SPC25: variants seen among roughly 807,000 people sequenced by gnomAD.
SPC25 encodes the protein SPC25 component of NDC80 kinetochore complex.
Under a neutral mutation model 29.6 loss-of-function variants are expected in SPC25, and 22 were observed. The ratio of observed to expected loss-of-function variants is 0.74; its 90% confidence interval spans 0.53 to 1.06. The LOEUF (loss-of-function observed/expected upper bound fraction) is 1.06. Among genes scored for constraint, SPC25 ranks in the 50% least tolerant of loss-of-function variants. SPC25 has a pLI of 0.00. For synonymous variants in SPC25, 91 were observed against 90.4 expected (o/e 1.01, Z -0.04); for missense variants, 230 against 255.8 (o/e 0.90, Z 0.69).
intron 3 of SPC25, among the ~76,000 whole-genome samples, chr2:168,886,588 G>C (rs1048031343): frequency 1.3e-5 from 2 of 150,156 alleles, no homozygotes; most frequent in East Asian, 3.9e-4. Context: ...GGCGCGATCT[G>C]GGCTCACTGC....
chr2:168,875,653 G>GA (rs1015282805), intron 5 of SPC25, among the ~76,000 whole-genome samples: 14 of 151,868 alleles, frequency 9.2e-5, no homozygotes, highest in Admixed American at 7.9e-4. Flanking sequence ...TTCTAAAACT[G>GA]AAAAAAATGG....
At position 168,888,982 on chromosome 2, in the gene SPC25, CATATATATGTATATATAT is replaced by C. The variant is rs1302659425; in HGVS notation, c.199+226_199+243del. On this transcript the variant is annotated intron_variant, in intron 3 of 6. Transcript: ENST00000282074. ...GTATATATATATATATACACACACACATATATATGTATATATATACACATATATGTATATATATACACA... is the reference window on the plus strand; with the variant it reads ...GTATATATATATATATACACACACACACACATATATGTATATATATACACA... Among the ~76,000 whole-genome samples, 207 of 118,792 alleles carry C rather than the reference CATATATATGTATATATAT, an allele frequency of 1.7e-3. 4 individuals are homozygous for C. The highest frequency in any genetic ancestry group is 6.4e-3 in the African/African-American group (176 of 27,350). The allele number at this position is 118,792 out of a possible 152,430, so 77.9% of individuals were successfully genotyped here. A position where few individuals can be genotyped will look rare whatever the true frequency, so the allele number is the denominator to read the frequency against.
At chr2:168,865,059 GT>G in intron 4 of SPC25, 1 of 1,432,280 alleles carries the variant, frequency 7.0e-7, no homozygotes, top group Non-Finnish European at 9.5e-7. Flanking sequence ...ACCTTTACAT[GT>G]TTTTCTTTTG....
At chr2:168,887,421 C>CAAAAAAAAAAAAAAAAAAAAAAAAAAAAA (rs5836211) in intron 3 of SPC25, among the ~76,000 whole-genome samples, 10 of 131,404 alleles carry the variant, frequency 7.6e-5, no homozygotes, top group African/African-American at 2.9e-4. Flanking sequence ...GACTCCATCT[C>CAAAAAAAAAAAAAAAAAAAAAAAAAAAAA]AAAAAAAAAA....
chr2:168,870,044 A>G (rs1209667161), downstream of SPC25, among the ~76,000 whole-genome samples: 1 of 152,232 alleles, frequency 6.6e-6, no homozygotes, highest in Non-Finnish European at 1.5e-5. Flanking sequence ...GCCCTCAGAA[A>G]TAATCCCACA....
chr2:168,865,050 C>A (rs1011588198), intron 4 of SPC25: 1 of 1,471,418 alleles, frequency 6.8e-7, no homozygotes, highest in Non-Finnish European at 9.3e-7. Context: ...AGTGCTCTTA[C>A]CTTTACATGT....
Position 168,889,230 on chromosome 2 carries a change from T to C in SPC25, c.195A>G (p.Gln65=). Reference sequence around the variant, plus strand: ...GATTTATACTTTTTCACATACGATTTTGATATTCCAGAAACATCTCAACCA... The same window carrying C: ...GATTTATACTTTTTCACATACGATTCTGATATTCCAGAAACATCTCAACCA... ...ERMVEMFLEY[Q]NQISRQNKLI... Residue 65 remains glutamine (Q), a synonymous_variant, in exon 3 of 7, where the codon CAA becomes CAG. Coordinates refer to ENST00000282074, the MANE Select transcript of SPC25 (RefSeq NM_020675.4). 1 of 1,611,978 alleles carries C rather than the reference T, an allele frequency of 6.2e-7. No homozygotes were observed. The highest frequency in any genetic ancestry group is 8.5e-7 in the Non-Finnish European group (1 of 1,179,304).
chr2:168,862,164 A>G, intron 4 of SPC25: 2 of 847,464 alleles, frequency 2.4e-6, no homozygotes, highest in Non-Finnish European at 3.8e-6. Flanking sequence ...AAATCAGTTC[A>G]CCCTTCTTGA....
rs967797446 is a variant in SPC25 at position 168,885,180 on chromosome 2, A to G, written c.199+4046T>C. ...ACATATGTTTCCTTCCCACCTATAA[A>G]AACATGCTCCTCCTCTCTTTCAATC... On this transcript the variant is annotated intron_variant, in intron 3 of 6. Coordinates refer to ENST00000282074, the MANE Select transcript of SPC25 (RefSeq NM_020675.4). Among the ~76,000 whole-genome samples the G allele has an allele frequency of 9.2e-5, 14 of 152,108 alleles. 1 individual carries two copies. The highest frequency in any genetic ancestry group is 3.4e-4 in the African/African-American group (14 of 41,406).
At chr2:168,864,630 A>G (rs1450406195) in intron 4 of SPC25, among the ~76,000 whole-genome samples, 1 of 152,132 alleles carries the variant, frequency 6.6e-6, no homozygotes, top group Non-Finnish European at 1.5e-5. Flanking sequence ...TCAGTTGTTC[A>G]TTATCTTACT....
downstream of SPC25, among the ~76,000 whole-genome samples, chr2:168,870,424 T>A (rs1192170317): frequency 6.6e-6 from 1 of 150,956 alleles, no homozygotes; most frequent in Non-Finnish European, 1.5e-5. Context: ...ACAGGCAACC[T>A]ACAGAATGGG....
intron 4 of SPC25, chr2:168,865,340 C>T: frequency 5.7e-6 from 1 of 174,948 alleles, no homozygotes; most frequent in Non-Finnish European, 1.2e-5. Flanking sequence ...ATGTCTTTTT[C>T]CTCTGGATTT....
chr2:168,882,344 C>T lies in SPC25; in HGVS notation c.200-4960G>A, dbSNP rs553033164. ...AATAAGGGCCAGGCATGGCGGCTCA[C>T]GCCTGTAATCCCTGCACTTTGCAAC... On this transcript the variant is annotated intron_variant, in intron 3 of 6. Transcript: ENST00000282074. Among the ~76,000 whole-genome samples, 5 of 152,346 alleles carry T rather than the reference C, an allele frequency of 3.3e-5. No homozygotes were observed. The South Asian group carries it at 6.2e-4, about 19-fold the overall frequency.
At chr2:168,870,009 A>C (rs1199628319), downstream of SPC25, among the ~76,000 whole-genome samples, 4 of 152,186 alleles carry the variant, frequency 2.6e-5, no homozygotes, top group African/African-American at 9.7e-5. Flanking sequence ...CAAAACAGAG[A>C]TATAGACCAA....
At chr2:168,883,998 T>C (rs1314379693) in intron 3 of SPC25, among the ~76,000 whole-genome samples, 1 of 152,118 alleles carries the variant, frequency 6.6e-6, no homozygotes, top group East Asian at 1.9e-4. Flanking sequence ...CTTGATCTTT[T>C]GACCTCGTGA....
At chr2:168,880,250 C>T (rs1014374396) in intron 3 of SPC25, among the ~76,000 whole-genome samples, 11 of 152,138 alleles carry the variant, frequency 7.2e-5, no homozygotes, top group Admixed American at 3.3e-4. Flanking sequence ...ATCAAAAATC[C>T]GTTCTTTAAT....
Position 168,876,113 on chromosome 2 carries a change from A to T in SPC25, c.410T>A (p.Leu137Ter). The stretch of plus-strand genomic sequence containing the variant: ...TTCTAGTCCAAGTCGATCTTTATAC[A>T]AGTCTGCAGATTTCTGCAGCCTTTT... Reference protein sequence around the residue: ...RLKRLQKSADLYKDRLGLEIR... With the variant: ...RLKRLQKSAD Residue 137 changes from leucine to a stop codon, truncating the protein, a stop_gained, in exon 5 of 7, where the codon TTG (leucine) becomes TAG (stop). Transcript: ENST00000282074. LOFTEE classifies it high-confidence loss of function. The T allele has an allele frequency of 6.4e-7, 1 of 1,565,448 alleles. No homozygotes were observed. Among genetic ancestry groups the T allele is most frequent in the Non-Finnish European group, 8.6e-7 (1 of 1,163,710 alleles).
chr2:168,869,352 G>A (rs1177975606), downstream of SPC25, among the ~76,000 whole-genome samples: 1 of 152,142 alleles, frequency 6.6e-6, no homozygotes, highest in Non-Finnish European at 1.5e-5. Flanking sequence ...GGAAGTTCTG[G>A]CCAGGGCAAT....
downstream of SPC25, among the ~76,000 whole-genome samples, chr2:168,869,487 C>CTGA (rs1367048526): frequency 1.3e-5 from 2 of 152,176 alleles, no homozygotes; most frequent in African/African-American, 4.8e-5. Context: ...TCTCCTTAAG[C>CTGA]TGATAAGCAA....
Sources: allele counts gnomAD v4.1 joint callset (sites outside exome capture counted in the v4.1 genomes callset), GRCh38; gene constraint gnomAD v4.1.1; transcripts MANE v1.5; gene names NCBI Gene and HGNC (gene_info 2026-07-23, HGNC 2026-07-21).